The following FMO1 variants were observed in gnomAD, a reference collection of about 807,000 sequenced individuals.
FMO1 encodes the protein flavin-containing monooxygenase 1.
A neutral mutation model predicts 45.4 loss-of-function variants in FMO1; 36 were observed. The observed-to-expected ratio is 0.79, with a 90% CI of 0.61 to 1.05. FMO1 has a LOEUF of 1.05. Ranked by LOEUF, FMO1 falls within the 50% of genes least tolerant of loss-of-function variation. The pLI is 0.00. For missense variants in FMO1, 615 were observed against 640.3 expected (o/e 0.96, Z 0.43); for synonymous variants, 228 against 227.2 (o/e 1.00, Z -0.03).
intron 5 of FMO1, among the ~76,000 whole-genome samples, chr1:171,279,731 C>T (rs144344409): frequency 1.3e-5 from 2 of 152,336 alleles, no homozygotes; most frequent in African/African-American, 4.8e-5. Flanking sequence ...TGAAAAACCT[C>T]TAATTATTCT....
In FMO1 at chr1:171,285,704, G is replaced by A; in HGVS notation, c.*160G>A. On this transcript the variant is annotated 3_prime_UTR_variant, in exon 9 of 9. Transcript: ENST00000617670. ...CCCCAGGGCTACCACTGGTATTCCTGAGCCTCTCCCAGCTCCACTTCTAAT... is the reference window on the plus strand; with the variant it reads ...CCCCAGGGCTACCACTGGTATTCCTAAGCCTCTCCCAGCTCCACTTCTAAT... The A allele has an allele frequency of 2.4e-6, 1 of 424,486 alleles. No individual in the cohort carries two copies. Among genetic ancestry groups the A allele is most frequent in the South Asian group, 9.2e-5 (1 of 10,884 alleles). 26.3% of individuals were successfully genotyped at this position (424,486 alleles called of 1,614,324 possible).
At chr1:171,285,068 G>A in intron 8 of FMO1, 134 bp from the exon 9 acceptor site, 1 of 571,722 alleles carries the variant, frequency 1.7e-6, no homozygotes, top group Non-Finnish European at 3.0e-6. Flanking sequence ...TAGATAGGTA[G>A]GGAAATAAAG....
intron 5 of FMO1, among the ~76,000 whole-genome samples, chr1:171,279,089 CTT>C (rs35698046): frequency 9.4e-5 from 13 of 137,732 alleles, no homozygotes; most frequent in South Asian, 2.4e-4. Context: ...CTTCTTTTTA[CTT>C]TTTTTTTTTT....
chr1:171,271,499 C>A, intron 3 of FMO1: 1 of 922,208 alleles, frequency 1.1e-6, no homozygotes, highest in South Asian at 1.3e-5. Flanking sequence ...CATCTGGGTG[C>A]TGCTTCTTAT....
intron 2 of FMO1, among the ~76,000 whole-genome samples, chr1:171,259,191 A>T (rs1660285302): frequency 6.6e-6 from 1 of 152,238 alleles, no homozygotes; most frequent in Admixed American, 6.5e-5. Flanking sequence ...AGAAGGGTAG[A>T]ATTTGGAACT....
At chr1:171,268,115 C>T (rs1001320820) in intron 3 of FMO1, among the ~76,000 whole-genome samples, 3 of 152,126 alleles carry the variant, frequency 2.0e-5, no homozygotes, top group African/African-American at 7.2e-5. Flanking sequence ...GAGACAGGGT[C>T]TCACTTTGTT....
intron 3 of FMO1, among the ~76,000 whole-genome samples, chr1:171,273,037 G>C (rs964100250): frequency 3.9e-5 from 6 of 152,182 alleles, no homozygotes; most frequent in African/African-American, 1.4e-4. Context: ...GTTGTGAGAG[G>C]GGTCCAGTGG....
At chr1:171,250,244 C>T in intron 1 of FMO1, among the ~76,000 whole-genome samples, 1 of 152,210 alleles carries the variant, frequency 6.6e-6, no homozygotes, top group African/African-American at 2.4e-5. Flanking sequence ...CCCTTCATTT[C>T]TATTCTACCT....
intron 1 of FMO1, among the ~76,000 whole-genome samples, chr1:171,252,862 G>C (rs538844752): frequency 3.5e-4 from 54 of 152,278 alleles, no homozygotes; most frequent in Non-Finnish European, 6.8e-4. Context: ...TCAGGAATAT[G>C]AGTTTGTTTA....
chr1:171,267,092 C>T (rs980057200), intron 2 of FMO1, among the ~76,000 whole-genome samples: 2 of 152,350 alleles, frequency 1.3e-5, no homozygotes, highest in South Asian at 2.1e-4. Context: ...CTATCATTGC[C>T]TCTGCTCATG....
chr1:171,284,527 C>A (rs946256153), intron 8 of FMO1, among the ~76,000 whole-genome samples: 2 of 151,960 alleles, frequency 1.3e-5, no homozygotes, highest in African/African-American at 4.8e-5. Flanking sequence ...CATTTGAGCT[C>A]AGGACTTTGA....
At chr1:171,282,688 G>C (rs1028044319) in intron 7 of FMO1, 1 of 226,222 alleles carries the variant, frequency 4.4e-6, no homozygotes, top group Non-Finnish European at 8.6e-6. Context: ...CATGATCATA[G>C]ATTACTGCAG....
chr1:171,249,065 T>A (rs1659760836), intron 1 of FMO1, among the ~76,000 whole-genome samples: 1 of 151,796 alleles, frequency 6.6e-6, no homozygotes, highest in Admixed American at 6.6e-5. Flanking sequence ...TTGGCACAAG[T>A]GGGAAGCAAA....
intron 3 of FMO1, among the ~76,000 whole-genome samples, chr1:171,268,836 G>A (rs1300168187): frequency 2.6e-5 from 4 of 152,168 alleles, no homozygotes; most frequent in South Asian, 4.1e-4. Context: ...TGGCTGTGTC[G>A]CCATCCAAAT....
intron 2 of FMO1, among the ~76,000 whole-genome samples, chr1:171,262,689 C>A (rs1475598869): frequency 3.9e-5 from 6 of 152,142 alleles, no homozygotes; most frequent in Non-Finnish European, 2.9e-5. Context: ...TCATTAAAAG[C>A]CTTATTTCTA....
chr1:171,275,088 C>T (rs1661051315), intron 3 of FMO1, among the ~76,000 whole-genome samples: 1 of 152,202 alleles, frequency 6.6e-6, no homozygotes, highest in Non-Finnish European at 1.5e-5. Flanking sequence ...CTGATTCTGT[C>T]ACTTTCTGTG....
Position 171,280,802 on chromosome 1 carries a change from C to T in FMO1, c.644C>T (p.Thr215Ile). The T allele has an allele frequency of 6.2e-7, 1 of 1,612,706 alleles. No homozygotes were observed. Among genetic ancestry groups the T allele is most frequent in the African/African-American group, 1.3e-5 (1 of 74,962 alleles). ...HLAEKVFLST[T>I]GGGWVISRIF... is the part of the protein sequence containing the mutation. ...TGCTTCCAGGTGTTCCTCAGCACCACCGGAGGGGGATGGGTGATCAGCCGA... is the reference window on the plus strand; with the variant it reads ...TGCTTCCAGGTGTTCCTCAGCACCATCGGAGGGGGATGGGTGATCAGCCGA... Residue 215 changes from threonine (T) to isoleucine (I), a missense_variant, in exon 6 of 9, where the codon ACC (threonine) becomes ATC (isoleucine). Physicochemically the swap from Thr to Ile is moderately conservative, Grantham distance 89. Coordinates refer to ENST00000617670, the MANE Select transcript of FMO1 (RefSeq NM_001282693.2).
chr1:171,249,510 G>A (rs1659784371), intron 1 of FMO1, among the ~76,000 whole-genome samples: 1 of 152,158 alleles, frequency 6.6e-6, no homozygotes, highest in African/African-American at 2.4e-5. Context: ...TTTCTTACCA[G>A]CTGTGCTCCT....
Position 171,281,007 on chromosome 1 carries a change from A to C in FMO1, c.827+22A>C, listed in dbSNP as rs3817855. 670 of 1,604,610 alleles carry C rather than the reference A, an allele frequency of 4.2e-4. 8 individuals carry two copies. The East Asian group carries it at 0.014, about 35-fold the overall frequency. On this transcript the variant is annotated intron_variant, in intron 6 of 8. Transcript: ENST00000617670. ...ACAGGTAAATATAATGTGACTGCCA[A>C]GGGCTTTTAGGAAGAAGGAGCCTCT...
Sources: gnomAD v4.1 joint callset for allele counts (sites outside exome capture counted in the v4.1 genomes callset) on GRCh38, gnomAD v4.1.1 for gene constraint, MANE v1.5 for transcripts, NCBI Gene and HGNC (gene_info 2026-07-23, HGNC 2026-07-21) for gene names.